Variants in BANP observed in about 807,000 individuals in gnomAD.
The protein encoded by BANP is protein BANP.
Under a neutral mutation model 68.1 loss-of-function variants are expected in BANP, and 11 were observed. That is an observed-to-expected ratio of 0.16 (90% CI 0.10 to 0.27). The LOEUF is 0.27. BANP is among the 10% of genes least tolerant of loss of function. The pLI is 1.00. For missense variants in BANP, 504 were observed against 722.7 expected (o/e 0.70, Z 3.47); for synonymous variants, 329 against 303.2 (o/e 1.09, Z -0.88).
Position 88,071,988 on chromosome 16 carries a change from T to A in BANP, c.1378-81T>A, listed in dbSNP as rs1336069265. On this transcript the variant is annotated intron_variant, in intron 12 of 13. Transcript: ENST00000682872. This position sits in a 1 kb window ranked among gnomAD's most constrained non-coding sequence, Gnocchi z 6.5. ...GGGACAGCACGTGTGGGCTGGGGTCTGCGGTCTGTGGAGCCATGTGGGTTG... is the reference window on the plus strand; with the variant it reads ...GGGACAGCACGTGTGGGCTGGGGTCAGCGGTCTGTGGAGCCATGTGGGTTG... 3 of 1,523,736 alleles carry A rather than the reference T, an allele frequency of 2.0e-6. No homozygotes were observed. The African/African-American group carries it at 4.1e-5, about 21-fold the overall frequency. The allele number at this position is 1,523,736 out of a possible 1,614,324, so 94.4% of individuals were successfully genotyped here. A position where few individuals can be genotyped will look rare whatever the true frequency, so the allele number is the denominator to read the frequency against.
chr16:88,020,884 CAG>C (rs149941604), intron 7 of BANP, among the ~76,000 whole-genome samples: 193 of 152,274 alleles, frequency 1.3e-3, no homozygotes, highest in African/African-American at 4.1e-3. Context: ...AGTGAGGTGA[CAG>C]GGGCATGGCA....
At chr16:87,983,249 C>G (rs1002027658) in intron 3 of BANP, among the ~76,000 whole-genome samples, 6 of 152,178 alleles carry the variant, frequency 3.9e-5, no homozygotes, top group Non-Finnish European at 8.8e-5. Flanking sequence ...CCCAACCTGT[C>G]CCTCCCTAGA....
At position 88,057,052 on chromosome 16, in the gene BANP, G is replaced by C. The variant is rs1411397586; in HGVS notation, c.1312-8215G>C. On this transcript the variant is annotated intron_variant, in intron 11 of 13. Transcript: ENST00000682872. This position sits in a 1 kb window ranked among gnomAD's most constrained non-coding sequence, Gnocchi z 4.6. The stretch of plus-strand genomic sequence containing the variant: ...CTGAATAACTTTACAAATCCTTTTG[G>C]TGGGATCCAAATGTGAGAACTTTTT... Among the ~76,000 whole-genome samples the C allele has an allele frequency of 2.6e-5, 4 of 152,188 alleles. No homozygotes were observed. Among genetic ancestry groups the C allele is most frequent in the Admixed American group, 1.3e-4 (2 of 15,274 alleles).
chr16:87,966,960 G>T (rs536473603), intron 1 of BANP: 1 of 152,330 alleles, frequency 6.6e-6, no homozygotes, highest in Non-Finnish European at 1.5e-5. Context: ...TTGCTCCTCC[G>T]CGCCAGCTCC....
At chr16:87,964,444 C>T (rs374851156) in intron 1 of BANP, among the ~76,000 whole-genome samples, 3 of 19,174 alleles carry the variant, frequency 1.6e-4, no homozygotes, top group South Asian at 1.0e-3. Context: ...GTCCAGGAGG[C>T]GTGCAGGAGG....
Position 88,057,143 on chromosome 16 carries a change from G to T in BANP, c.1312-8124G>T, listed in dbSNP as rs910865611. On this transcript the variant is annotated intron_variant, in intron 11 of 13. Coordinates refer to ENST00000682872, the MANE Select transcript of BANP (RefSeq NM_001386991.1). The surrounding 1 kb of genome is among the most constrained non-coding windows in gnomAD (Gnocchi z 4.6). ...ACTTTTCTGTTGCCGTTGTTGAGCT[G>T]TGTCTGCCTTTTCTGGTGGGCGGGC... 1.3e-5 allele frequency among the ~76,000 whole-genome samples: 2 copies of T among 152,192 alleles called. No individual in the cohort carries two copies. The highest frequency in any genetic ancestry group is 4.8e-5 in the African/African-American group (2 of 41,434).
At chr16:88,021,071 C>T (rs1216870228) in intron 7 of BANP, among the ~76,000 whole-genome samples, 3 of 152,222 alleles carry the variant, frequency 2.0e-5, no homozygotes, top group Non-Finnish European at 1.5e-5. Context: ...TTGGGAAGTG[C>T]TGCCAACCTC....
intron 11 of BANP, among the ~76,000 whole-genome samples, chr16:88,055,564 G>A (rs751163125): frequency 1.3e-5 from 2 of 152,172 alleles, no homozygotes; most frequent in Non-Finnish European, 2.9e-5. Context: ...TCTAGACCCA[G>A]CTGGGAAAAA....
chr16:88,013,338 C>G (rs1215764723), intron 6 of BANP, among the ~76,000 whole-genome samples: 1 of 152,256 alleles, frequency 6.6e-6, no homozygotes, highest in Non-Finnish European at 1.5e-5. Context: ...AGGAGCCTGC[C>G]TGACAGGACG....
chr16:88,049,009 C>T (rs888237913), intron 11 of BANP, among the ~76,000 whole-genome samples: 1 of 152,124 alleles, frequency 6.6e-6, no homozygotes, highest in African/African-American at 2.4e-5. Flanking sequence ...GCTCTCACAC[C>T]GTGACCATCA....
At position 88,008,639 on chromosome 16, in the gene BANP, T is replaced by G. The variant is rs140769471; in HGVS notation, c.655+2374T>G. Among the ~76,000 whole-genome samples, 1,120 of 152,272 alleles carry G rather than the reference T, an allele frequency of 7.4e-3. 11 individuals carry two copies. Among genetic ancestry groups the G allele is most frequent in the Non-Finnish European group, 0.012 (786 of 67,968 alleles). On this transcript the variant is annotated intron_variant, in intron 6 of 13. Coordinates refer to ENST00000682872, the MANE Select transcript of BANP (RefSeq NM_001386991.1). ...GGAGCTTACTTAGTATTGATCTGTA[T>G]CTATAAGGAAAAATACAAATTTTCT...
intron 1 of BANP, among the ~76,000 whole-genome samples, chr16:87,962,970 C>T (rs566721439): frequency 1.3e-4 from 20 of 152,330 alleles, no homozygotes; most frequent in African/African-American, 4.3e-4. Context: ...TCTAGACTTA[C>T]ATCCCGAGAG....
chr16:88,039,674 G>C (rs2080265805), intron 11 of BANP, among the ~76,000 whole-genome samples: 1 of 142,732 alleles, frequency 7.0e-6, no homozygotes, highest in Non-Finnish European at 1.6e-5. Context: ...TGGGGACAGA[G>C]ATTCCAGCTT....
chr16:88,070,097 C>T (rs909358968), intron 12 of BANP, among the ~76,000 whole-genome samples: 2 of 152,210 alleles, frequency 1.3e-5, no homozygotes, highest in Admixed American at 6.5e-5. Flanking sequence ...CTGAATACCA[C>T]GTTTTCCCTC....
chr16:87,986,239 C>T (rs1440325364), intron 4 of BANP, among the ~76,000 whole-genome samples: 1 of 152,250 alleles, frequency 6.6e-6, no homozygotes. Context: ...GCCTTGCGTG[C>T]TGGCGGACAG....
Position 87,987,567 on chromosome 16 carries a change from A to G in BANP, c.362+3308A>G, listed in dbSNP as rs1598142053. ...AGTGAGACCCCCATCTGCACAAAAA[A>G]ATAAAAAAAATTAGCTGGGCACAGT... On this transcript the variant is annotated intron_variant, in intron 4 of 13. Transcript: ENST00000682872. Among the ~76,000 whole-genome samples the G allele has an allele frequency of 2.0e-5, 3 of 151,826 alleles. No individual in the cohort carries two copies. The East Asian group carries it at 5.8e-4, about 29-fold the overall frequency.
In BANP at chr16:88,011,391, T is replaced by C. The variant is rs142256739; in HGVS notation, c.655+5126T>C. Among the ~76,000 whole-genome samples the C allele has an allele frequency of 3.3e-3, 508 of 152,120 alleles. 1 individual carries two copies. The highest frequency in any genetic ancestry group is 0.011 in the African/African-American group (440 of 41,476). ...CTAGAGGCGCTCAGCTCTCCAGAGC[T>C]CAGCCGCCGACTGGTGTTGGACTCA... On this transcript the variant is annotated intron_variant, in intron 6 of 13. Transcript: ENST00000682872.
At chr16:88,045,531 G>A (rs950493481) in intron 11 of BANP, among the ~76,000 whole-genome samples, 2 of 152,168 alleles carry the variant, frequency 1.3e-5, no homozygotes, top group Non-Finnish European at 2.9e-5. Flanking sequence ...AGCACCTGTC[G>A]AACATAACAT....
At chr16:88,060,802 G>A (rs760741722) in intron 11 of BANP, among the ~76,000 whole-genome samples, 2 of 152,164 alleles carry the variant, frequency 1.3e-5, no homozygotes, top group Non-Finnish European at 2.9e-5. Context: ...TGGCAGGCTT[G>A]TGCACGCGTC....
Sources: gnomAD v4.1 joint callset for allele counts (sites outside exome capture counted in the v4.1 genomes callset) on GRCh38, gnomAD v4.1.1 for gene constraint, Gnocchi (gnomAD v3.1) non-coding constraint, MANE v1.5 for transcripts, NCBI Gene and HGNC (gene_info 2026-07-23, HGNC 2026-07-21) for gene names.